Variants in KCND3 observed in about 807,000 individuals in gnomAD.
KCND3 encodes the protein A-type voltage-gated potassium channel KCND3.
KCND3 carries 9 observed loss-of-function variants against 51.1 expected under a neutral mutation model. That is an observed-to-expected ratio of 0.18 (90% CI 0.11 to 0.31). The LOEUF (loss-of-function observed/expected upper bound fraction) is 0.31. Ranked by LOEUF, KCND3 falls within the 10% of genes least tolerant of loss-of-function variation. KCND3 has a pLI of 1.00. For synonymous variants in KCND3, 349 were observed against 368.0 expected (o/e 0.95, Z 0.59); for missense variants, 526 against 903.8 (o/e 0.58, Z 5.36).
intron 2 of KCND3, among the ~76,000 whole-genome samples, chr1:111,979,204 C>T (rs1032670656): frequency 1.3e-5 from 2 of 152,128 alleles, no homozygotes; most frequent in African/African-American, 4.8e-5. Flanking sequence ...CTTTCACCCT[C>T]CAGCAGAATC....
intron 2 of KCND3, among the ~76,000 whole-genome samples, chr1:111,836,115 T>G (rs1374597914): frequency 6.6e-6 from 1 of 152,382 alleles, no homozygotes; most frequent in East Asian, 1.9e-4. Flanking sequence ...CTTTATGTCC[T>G]GAAGGATGTT....
At chr1:111,833,712 C>T (rs898759751) in intron 2 of KCND3, among the ~76,000 whole-genome samples, 4 of 152,198 alleles carry the variant, frequency 2.6e-5, no homozygotes, top group African/African-American at 9.7e-5. Flanking sequence ...CTCAATATCA[C>T]CTAATTAATC....
chr1:111,885,713 C>A lies in KCND3; in HGVS notation c.1106+95908G>T, dbSNP rs187711233. Among the ~76,000 whole-genome samples, 54 of 152,158 alleles carry A rather than the reference C, an allele frequency of 3.5e-4. No homozygotes were observed. The East Asian group carries it at 0.01, about 28-fold the overall frequency. On this transcript the variant is annotated intron_variant, in intron 2 of 7. Transcript: ENST00000302127. ...TTTAGACAGAGTTTCACTCTTGTCA[C>A]CCAGGCTGGAGTAGAGTGGCGTGAT...
chr1:111,850,238 A>C (rs963019583), intron 2 of KCND3, among the ~76,000 whole-genome samples: 1 of 152,158 alleles, frequency 6.6e-6, no homozygotes, highest in African/African-American at 2.4e-5. Flanking sequence ...TGGCACCCTC[A>C]GTTGGCCTGT....
chr1:111,786,641 C>G (rs1486937017), intron 3 of KCND3, among the ~76,000 whole-genome samples: 1 of 152,006 alleles, frequency 6.6e-6, no homozygotes, highest in Non-Finnish European at 1.5e-5. Context: ...GGGAGGAGTG[C>G]GGGGATGGCT....
At chr1:111,935,509 C>T (rs1672178783) in intron 2 of KCND3, among the ~76,000 whole-genome samples, 1 of 151,972 alleles carries the variant, frequency 6.6e-6, no homozygotes, top group Non-Finnish European at 1.5e-5. Flanking sequence ...TCCTTTTTCC[C>T]CTGGGAGATG....
chr1:111,844,404 C>G (rs887526419), intron 2 of KCND3, among the ~76,000 whole-genome samples: 1 of 152,102 alleles, frequency 6.6e-6, no homozygotes, highest in African/African-American at 2.4e-5. Context: ...AAGGTACACA[C>G]GTCTATCCTC....
At chr1:111,886,910 G>T (rs575832939) in intron 2 of KCND3, among the ~76,000 whole-genome samples, 1 of 152,334 alleles carries the variant, frequency 6.6e-6, no homozygotes, top group South Asian at 2.1e-4. Context: ...TAACAGAGGG[G>T]TAAACACTGC....
rs1210006154 is a variant in KCND3, at chr1:111,863,321, C to T, written c.1107-76215G>A. 6.0e-5 allele frequency among the ~76,000 whole-genome samples: 5 copies of T among 83,180 alleles called. No individual in the cohort carries two copies. In the Admixed American group the frequency reaches 6.7e-4, roughly 11 times the overall value. The allele number at this position is 83,180 out of a possible 152,430, so 54.6% of individuals were successfully genotyped here. ...GCCAGACATTGACTAACCTATTTGT[C>T]TAGGAAACAGTAAAAAAAAAAAAAC... On this transcript the variant is annotated intron_variant, in intron 2 of 7. Transcript: ENST00000302127.
At chr1:111,916,646 A>T (rs947352215) in intron 2 of KCND3, among the ~76,000 whole-genome samples, 32 of 152,284 alleles carry the variant, frequency 2.1e-4, no homozygotes, top group East Asian at 3.8e-4. Context: ...GAATAAAATT[A>T]AAAAAATGCC....
chr1:111,829,547 T>A (rs566269198), intron 2 of KCND3, among the ~76,000 whole-genome samples: 41 of 152,292 alleles, frequency 2.7e-4, no homozygotes, highest in African/African-American at 9.6e-4. Context: ...AGACTACAAA[T>A]CTGATTTCAG....
At chr1:111,845,263 G>T (rs1413935003) in intron 2 of KCND3, among the ~76,000 whole-genome samples, 2 of 152,034 alleles carry the variant, frequency 1.3e-5, no homozygotes, top group Non-Finnish European at 2.9e-5. Context: ...ATTCTCTCCT[G>T]GTTTTTCTCC....
intron 2 of KCND3, among the ~76,000 whole-genome samples, chr1:111,874,957 G>A (rs570228644): frequency 5.9e-5 from 9 of 152,222 alleles, no homozygotes; most frequent in Non-Finnish European, 1.2e-4. Context: ...CTGCAATAGG[G>A]AAGGCAAACT....
intron 2 of KCND3, among the ~76,000 whole-genome samples, chr1:111,900,707 A>G (rs1670342957): frequency 6.6e-6 from 1 of 151,992 alleles, no homozygotes; most frequent in Admixed American, 6.6e-5. Flanking sequence ...CCTGTAATCC[A>G]GCATTTTGGG....
chr1:111,965,176 C>T, intron 2 of KCND3, among the ~76,000 whole-genome samples: 1 of 151,756 alleles, frequency 6.6e-6, no homozygotes, highest in South Asian at 2.1e-4. Flanking sequence ...TCTGGATTCT[C>T]CAGGCACAGA....
intron 2 of KCND3, among the ~76,000 whole-genome samples, chr1:111,974,619 T>C (rs1165280521): frequency 1.3e-5 from 2 of 152,132 alleles, no homozygotes; most frequent in Admixed American, 6.6e-5. Context: ...CCCTCCTGGG[T>C]GGGAGAAACA....
chr1:111,850,703 G>A (rs758999556), intron 2 of KCND3, among the ~76,000 whole-genome samples: 1 of 152,218 alleles, frequency 6.6e-6, no homozygotes, highest in Non-Finnish European at 1.5e-5. Context: ...TCTCGTGTTT[G>A]TCTTCAACTC....
At chr1:111,819,349 T>A (rs973848116) in intron 2 of KCND3, among the ~76,000 whole-genome samples, 22 of 150,724 alleles carry the variant, frequency 1.5e-4, no homozygotes, top group Non-Finnish European at 2.7e-4. Context: ...AGGTACAGCA[T>A]CACTGGAATT....
intron 2 of KCND3, among the ~76,000 whole-genome samples, chr1:111,866,036 T>C (rs1668548569): frequency 6.6e-6 from 1 of 151,972 alleles, no homozygotes; most frequent in African/African-American, 2.4e-5. Flanking sequence ...ATTGAAAAAA[T>C]TTTTCTTTTT....
Sources: allele counts gnomAD v4.1 joint callset (sites outside exome capture counted in the v4.1 genomes callset), GRCh38; gene constraint gnomAD v4.1.1; transcripts MANE v1.5; gene names NCBI Gene and HGNC (gene_info 2026-07-23, HGNC 2026-07-21).